Variants in EXOC4 observed in about 807,000 individuals in gnomAD.
EXOC4 encodes the protein SEC8-like 1.
In EXOC4, 71 loss-of-function variants were observed where a neutral mutation model predicts 107.2. That is an observed-to-expected ratio of 0.66 (90% confidence interval 0.55 to 0.81). The LOEUF (loss-of-function observed/expected upper bound fraction) is 0.81, where lower values mean the gene tolerates loss of function less well. EXOC4 is among the 30% of genes least tolerant of loss of function. The pLI is 0.00. For synonymous variants in EXOC4, 456 were observed against 441.2 expected, an observed-to-expected ratio of 1.03 and a Z score of -0.42; for missense variants, 1,108 against 1,189.6, an observed-to-expected ratio of 0.93 and a Z score of 1.01.
At chr7:133,394,131 A>G (rs1796918335) in intron 7 of EXOC4, among the ~76,000 whole-genome samples, 1 of 152,188 alleles carries the variant, frequency 6.6e-6, no homozygotes, top group African/African-American at 2.4e-5. Flanking sequence ...CTGTCATAGT[A>G]TTACTATTAT....
At chr7:133,832,919 T>C (rs184296528) in intron 11 of EXOC4, among the ~76,000 whole-genome samples, 1 of 152,280 alleles carries the variant, frequency 6.6e-6, no homozygotes, top group East Asian at 1.9e-4. Flanking sequence ...AAACTATAAA[T>C]ATAACATGTA....
intron 10 of EXOC4, among the ~76,000 whole-genome samples, chr7:133,692,234 G>C (rs1368077533): frequency 6.6e-6 from 1 of 152,148 alleles, no homozygotes; most frequent in African/African-American, 2.4e-5. Context: ...CTAGAGTCCA[G>C]CTATGAGCAG....
At chr7:133,594,284 T>G (rs1801613015) in intron 9 of EXOC4, among the ~76,000 whole-genome samples, 1 of 152,028 alleles carries the variant, frequency 6.6e-6, no homozygotes, top group African/African-American at 2.4e-5. Flanking sequence ...TAATGAGAGA[T>G]AGAGTAAAAA....
chr7:133,588,617 G>C (rs1412267993), intron 9 of EXOC4, among the ~76,000 whole-genome samples: 1 of 152,164 alleles, frequency 6.6e-6, no homozygotes, highest in Non-Finnish European at 1.5e-5. Flanking sequence ...ATATGGCCGG[G>C]TGTGGTGGCT....
chr7:133,569,982 C>T (rs1315146937), intron 9 of EXOC4, among the ~76,000 whole-genome samples: 1 of 152,120 alleles, frequency 6.6e-6, no homozygotes, highest in African/African-American at 2.4e-5. Flanking sequence ...AATGGCGGAA[C>T]GCAATAAAAT....
intron 11 of EXOC4, among the ~76,000 whole-genome samples, chr7:133,840,795 C>T (rs2151248668): frequency 6.6e-6 from 1 of 152,184 alleles, no homozygotes; most frequent in Non-Finnish European, 1.5e-5. Context: ...ACTTTCATTT[C>T]CTTACCAAGT....
intron 7 of EXOC4, among the ~76,000 whole-genome samples, chr7:133,424,187 G>A (rs1797670303): frequency 1.3e-5 from 2 of 152,108 alleles, no homozygotes; most frequent in South Asian, 4.2e-4. Context: ...CCACGCTCTG[G>A]TAGCTTTCTC....
chr7:133,265,419 A>AAAT (rs1554426885), intron 1 of EXOC4, among the ~76,000 whole-genome samples: 1 of 151,202 alleles, frequency 6.6e-6, no homozygotes. Context: ...AAAAAAAAAA[A>AAAT]TTCACTGGAA....
chr7:133,926,472 A>G (rs1800055141), intron 13 of EXOC4, among the ~76,000 whole-genome samples: 2 of 152,192 alleles, frequency 1.3e-5, no homozygotes, highest in Non-Finnish European at 2.9e-5. Flanking sequence ...ATTGGTATTC[A>G]TTATATTATA....
intron 9 of EXOC4, among the ~76,000 whole-genome samples, chr7:133,558,226 CTT>C (rs1353282954): frequency 2.7e-5 from 4 of 148,458 alleles, no homozygotes; most frequent in East Asian, 3.9e-4. Context: ...CTTTTCTTTT[CTT>C]TTCTTTTCTT....
chr7:133,604,706 C>CTTTTTTTTTTTTTTTTTTTTTTTTTTTT lies in EXOC4; in HGVS notation c.1418-25336_1418-25335insTTTTTTTTTTTTTTTTTTTTTTTTTTTT, dbSNP rs1554477961. On this transcript the variant is annotated intron_variant, in intron 9 of 17. Coordinates refer to ENST00000253861, the MANE Select transcript of EXOC4 (RefSeq NM_021807.4). ...TTTTTCTTTCCTTCCTTCCTTCCTT[C>CTTTTTTTTTTTTTTTTTTTTTTTTTTTT]TTTCTTTTTTTTTTTTTTTTTTTTT... Among the ~76,000 whole-genome samples, 33 of 87,522 alleles carry CTTTTTTTTTTTTTTTTTTTTTTTTTTTT rather than the reference C, an allele frequency of 3.8e-4. 7 individuals are homozygous for CTTTTTTTTTTTTTTTTTTTTTTTTTTTT. Among genetic ancestry groups the CTTTTTTTTTTTTTTTTTTTTTTTTTTTT allele is most frequent in the Non-Finnish European group, 5.0e-4 (22 of 44,058 alleles). 57.4% of individuals were successfully genotyped at this position (87,522 alleles called of 152,430 possible).
intron 5 of EXOC4, among the ~76,000 whole-genome samples, chr7:133,330,346 CTTAAGT>C (rs1288353397): frequency 1.3e-5 from 2 of 152,068 alleles, no homozygotes; most frequent in Non-Finnish European, 2.9e-5. Context: ...ACCACTAGAT[CTTAAGT>C]TACCTATGCT....
At chr7:133,775,000 T>C (rs886912628) in intron 10 of EXOC4, among the ~76,000 whole-genome samples, 2 of 151,712 alleles carry the variant, frequency 1.3e-5, no homozygotes, top group African/African-American at 4.8e-5. Context: ...TGTAGGGCAG[T>C]GGAATAGAGC....
intron 14 of EXOC4, among the ~76,000 whole-genome samples, chr7:133,964,510 G>A (rs1407777273): frequency 1.3e-5 from 2 of 152,086 alleles, no homozygotes; most frequent in Non-Finnish European, 2.9e-5. Flanking sequence ...CCCAGTGTGT[G>A]ATGATCCCCT....
At chr7:133,781,935 A>G (rs1274866061) in intron 10 of EXOC4, among the ~76,000 whole-genome samples, 1 of 152,018 alleles carries the variant, frequency 6.6e-6, no homozygotes, top group Non-Finnish European at 1.5e-5. Flanking sequence ...TTATTGTGTC[A>G]GAACCAATCT....
chr7:133,703,559 C>A (rs369652354), intron 10 of EXOC4, among the ~76,000 whole-genome samples: 1 of 152,060 alleles, frequency 6.6e-6, no homozygotes, highest in Non-Finnish European at 1.5e-5. Context: ...TTTGTGAAAC[C>A]GATCAGAAGA....
chr7:133,377,114 G>C (rs1475862909), intron 7 of EXOC4, among the ~76,000 whole-genome samples: 4 of 152,188 alleles, frequency 2.6e-5, no homozygotes, highest in African/African-American at 9.7e-5. Flanking sequence ...CACTTTGGGA[G>C]GCTGAGGTAG....
chr7:134,045,244 C>T (rs981286728), intron 17 of EXOC4, among the ~76,000 whole-genome samples: 2 of 152,148 alleles, frequency 1.3e-5, no homozygotes, highest in Non-Finnish European at 2.9e-5. Context: ...CTATATTTCT[C>T]GTAAGGGTTA....
chr7:133,329,994 C>A (rs549421172), intron 5 of EXOC4, among the ~76,000 whole-genome samples: 2 of 152,102 alleles, frequency 1.3e-5, no homozygotes, highest in Non-Finnish European at 2.9e-5. Flanking sequence ...CAGGCAGGGA[C>A]GTTTAAGTCT....
Sources: gnomAD v4.1 joint callset for allele counts (sites outside exome capture counted in the v4.1 genomes callset) on GRCh38, gnomAD v4.1.1 for gene constraint, MANE v1.5 for transcripts, NCBI Gene and HGNC (gene_info 2026-07-23, HGNC 2026-07-21) for gene names.